RPS6KC1: variants seen among roughly 807,000 people sequenced by gnomAD.
RPS6KC1 encodes inactive ribosomal protein S6 kinase delta-1.
RPS6KC1 carries 54 observed loss-of-function variants against 103.8 expected under a neutral mutation model. The ratio of observed to expected loss-of-function variants is 0.52; its 90% CI spans 0.42 to 0.65. RPS6KC1 has a LOEUF of 0.65. Ranked by LOEUF, RPS6KC1 falls within the 30% of genes least tolerant of loss-of-function variation. RPS6KC1 has a pLI of 0.00. For missense variants in RPS6KC1, 1,151 were observed against 1,253.8 expected (o/e 0.92, Z 1.24); for synonymous variants, 439 against 438.7 (o/e 1.00, Z -0.01).
the RPS6KC1 span, among the ~76,000 whole-genome samples, chr1:213,321,386 A>G: frequency 6.6e-6 from 1 of 152,178 alleles, no homozygotes. Context: ...GATCTGACTA[A>G]CTGTGTTAAT....
chr1:213,855,889 A>T, the RPS6KC1 span, among the ~76,000 whole-genome samples: 1 of 152,210 alleles, frequency 6.6e-6, no homozygotes, highest in African/African-American at 2.4e-5. Flanking sequence ...TTGCTACAGG[A>T]GAGTGGCGGT....
At chr1:213,131,635 G>C (rs896966831) in intron 6 of RPS6KC1, among the ~76,000 whole-genome samples, 1 of 152,036 alleles carries the variant, frequency 6.6e-6, no homozygotes, top group African/African-American at 2.4e-5. Flanking sequence ...GCAGAAACGG[G>C]GTTTCACCAT....
At chr1:213,528,377 C>T in the RPS6KC1 span, among the ~76,000 whole-genome samples, 2 of 152,118 alleles carry the variant, frequency 1.3e-5, no homozygotes, top group South Asian at 4.1e-4. Context: ...GAGGTAACCA[C>T]CCCCATGATT....
chr1:213,202,883 C>G (rs1338115858), intron 8 of RPS6KC1, among the ~76,000 whole-genome samples: 2 of 152,098 alleles, frequency 1.3e-5, no homozygotes, highest in African/African-American at 4.8e-5. Context: ...TCTAAATGCT[C>G]TTTAATGGTC....
At chr1:213,485,860 T>C in the RPS6KC1 span, among the ~76,000 whole-genome samples, 9 of 152,238 alleles carry the variant, frequency 5.9e-5, no homozygotes, top group Admixed American at 1.3e-4. Context: ...GGTCAGATAA[T>C]ACATGAAGCA....
At position 213,062,054 on chromosome 1, in the gene RPS6KC1, CT is replaced by C. The variant is rs566492564; in HGVS notation, c.106-8943del. On this transcript the variant is annotated intron_variant, in intron 1 of 14. Coordinates refer to ENST00000366960, the MANE Select transcript of RPS6KC1 (RefSeq NM_012424.6). The stretch of plus-strand genomic sequence containing the variant: ...TAGTTTCTAAAGGGGCTTATTTTAT[CT>C]TTTTTTTTAACCTAGGAAATACTAT... 3.9e-3 allele frequency among the ~76,000 whole-genome samples: 583 copies of C among 151,072 alleles called. 4 individuals carry two copies. Among genetic ancestry groups the C allele is most frequent in the African/African-American group, 0.013 (538 of 41,228 alleles).
At chr1:213,671,951 G>A in the RPS6KC1 span, among the ~76,000 whole-genome samples, 5 of 124,588 alleles carry the variant, frequency 4.0e-5, no homozygotes, top group East Asian at 9.6e-4. Flanking sequence ...TAAAAATAAA[G>A]CTAAAAAAAA....
chr1:213,583,555 T>G, the RPS6KC1 span, among the ~76,000 whole-genome samples: 1 of 151,968 alleles, frequency 6.6e-6, no homozygotes, highest in Non-Finnish European at 1.5e-5. Flanking sequence ...GCACGATGGC[T>G]CATGACTGTA....
At chr1:213,495,330 TTTC>T in the RPS6KC1 span, among the ~76,000 whole-genome samples, 1 of 152,136 alleles carries the variant, frequency 6.6e-6, no homozygotes, top group South Asian at 2.1e-4. Context: ...CGCTTTTTTT[TTTC>T]TTTTTTAAGA....
chr1:213,393,063 A>G, the RPS6KC1 span, among the ~76,000 whole-genome samples: 1 of 152,232 alleles, frequency 6.6e-6, no homozygotes, highest in Non-Finnish European at 1.5e-5. Flanking sequence ...ACTTGACAAT[A>G]GATGTGGAAA....
chr1:213,427,633 T>A, the RPS6KC1 span, among the ~76,000 whole-genome samples: 1 of 152,254 alleles, frequency 6.6e-6, no homozygotes, highest in Non-Finnish European at 1.5e-5. Context: ...TTGTACAGTA[T>A]CTAAATACTT....
intron 6 of RPS6KC1, among the ~76,000 whole-genome samples, chr1:213,155,122 C>A (rs1364053819): frequency 6.6e-6 from 1 of 152,118 alleles, no homozygotes; most frequent in African/African-American, 2.4e-5. Flanking sequence ...AGGTGGTTTC[C>A]AAGATGCAAG....
the RPS6KC1 span, among the ~76,000 whole-genome samples, chr1:213,443,032 G>A: frequency 6.6e-6 from 1 of 151,688 alleles, no homozygotes; most frequent in Admixed American, 6.6e-5. Context: ...GACACTATTA[G>A]ATGCAGAATT....
chr1:213,399,762 A>T, the RPS6KC1 span, among the ~76,000 whole-genome samples: 1 of 152,056 alleles, frequency 6.6e-6, no homozygotes, highest in Non-Finnish European at 1.5e-5. Flanking sequence ...AGGCACTAAG[A>T]TGTCCATCGC....
the RPS6KC1 span, among the ~76,000 whole-genome samples, chr1:213,282,811 A>T: frequency 6.6e-6 from 1 of 152,242 alleles, no homozygotes; most frequent in African/African-American, 2.4e-5. Flanking sequence ...AGAGACAGAG[A>T]TGAAGAACAC....
the RPS6KC1 span, among the ~76,000 whole-genome samples, chr1:213,517,486 A>G: frequency 1.3e-5 from 2 of 152,112 alleles, no homozygotes; most frequent in Non-Finnish European, 2.9e-5. Flanking sequence ...TTCGTTATGT[A>G]CCCAGTAGTC....
chr1:213,764,112 G>T, the RPS6KC1 span, among the ~76,000 whole-genome samples: 2 of 152,106 alleles, frequency 1.3e-5, no homozygotes. Context: ...AATATTTGTC[G>T]ACTGGAAATA....
chr1:213,279,884 C>T, the RPS6KC1 span, among the ~76,000 whole-genome samples: 133 of 152,298 alleles, frequency 8.7e-4, no homozygotes, highest in South Asian at 1.7e-3. Context: ...TGTCCTCATC[C>T]CAAACCTATT....
At chr1:213,093,476 C>T (rs2081174772) in intron 3 of RPS6KC1, among the ~76,000 whole-genome samples, 1 of 152,132 alleles carries the variant, frequency 6.6e-6, no homozygotes, top group Non-Finnish European at 1.5e-5. Flanking sequence ...TCCCAAAGTC[C>T]TGGGATTACA....
Sources: allele counts gnomAD v4.1 joint callset (sites outside exome capture counted in the v4.1 genomes callset), GRCh38; gene constraint gnomAD v4.1.1; transcripts MANE v1.5; gene names NCBI Gene and HGNC (gene_info 2026-07-23, HGNC 2026-07-21).